NFATC3: variants seen among roughly 807,000 people sequenced by gnomAD.
The protein encoded by NFATC3 is nuclear factor of activated T-cells, cytoplasmic 3.
NFATC3 carries 46 observed loss-of-function variants against 98.6 expected under a neutral mutation model. The ratio of observed to expected loss-of-function variants is 0.47; its 90% CI spans 0.37 to 0.60. NFATC3 has a LOEUF of 0.60. NFATC3 is among the 20% of genes least tolerant of loss of function. The probability of loss-of-function intolerance (pLI) is 0.00; values close to 1 mark genes in which losing one functional copy is unlikely to be tolerated. For missense variants in NFATC3, 1,256 were observed against 1,295.5 expected (o/e 0.97, Z 0.47); for synonymous variants, 512 against 472.2 (o/e 1.08, Z -1.09).
intron 4 of NFATC3, 39 bp downstream of exon 4, chr16:68,158,107 T>A: frequency 1.5e-6 from 2 of 1,349,778 alleles, no homozygotes; most frequent in Non-Finnish European, 2.0e-6. Flanking sequence ...GTTCTTTTTT[T>A]CTCTATACTT....
At chr16:68,110,488 T>A (rs1374454876) in intron 1 of NFATC3, among the ~76,000 whole-genome samples, 1 of 150,718 alleles carries the variant, frequency 6.6e-6, no homozygotes, top group African/African-American at 2.4e-5. Context: ...TTTTTTGTAT[T>A]TTTTTTTAGT....
chr16:68,127,459 A>C (rs953463780), intron 3 of NFATC3, among the ~76,000 whole-genome samples: 2 of 152,078 alleles, frequency 1.3e-5, no homozygotes, highest in Admixed American at 1.3e-4. Context: ...TGCTGAGGCA[A>C]GTGGATCACT....
At chr16:68,159,226 C>G (rs1275929686) in intron 4 of NFATC3, among the ~76,000 whole-genome samples, 2 of 151,870 alleles carry the variant, frequency 1.3e-5, no homozygotes, top group African/African-American at 4.8e-5. Flanking sequence ...AGAGTGAGAT[C>G]CTATCTTTAA....
At chr16:68,113,188 G>A (rs532169910) in intron 1 of NFATC3, among the ~76,000 whole-genome samples, 30 of 152,270 alleles carry the variant, frequency 2.0e-4, no homozygotes, top group Admixed American at 2.0e-4. Context: ...AGATTTCAGC[G>A]TTCTTGCATT....
At chr16:68,207,567 G>A (rs945045285) in intron 9 of NFATC3, among the ~76,000 whole-genome samples, 2 of 152,150 alleles carry the variant, frequency 1.3e-5, no homozygotes, top group African/African-American at 2.4e-5. Flanking sequence ...GGGTTGAAGC[G>A]ATTCTCATGC....
intron 1 of NFATC3, among the ~76,000 whole-genome samples, chr16:68,091,968 A>G (rs1016618347): frequency 3.3e-5 from 5 of 152,234 alleles, no homozygotes; most frequent in Admixed American, 1.3e-4. Flanking sequence ...TTTAAGAGCC[A>G]TCATTTAAAC....
At chr16:68,159,204 C>G (rs1255923731) in intron 4 of NFATC3, among the ~76,000 whole-genome samples, 1 of 152,076 alleles carries the variant, frequency 6.6e-6, no homozygotes, top group East Asian at 1.9e-4. Context: ...CCACTACACT[C>G]CAGCCTGGGC....
At chr16:68,144,368 T>G (rs1000945680) in intron 3 of NFATC3, among the ~76,000 whole-genome samples, 4 of 152,208 alleles carry the variant, frequency 2.6e-5, no homozygotes, top group African/African-American at 9.6e-5. Context: ...GAATATAGTT[T>G]GTTAGGTTCT....
chr16:68,176,206 G>A (rs984156197), intron 6 of NFATC3, among the ~76,000 whole-genome samples: 2 of 152,012 alleles, frequency 1.3e-5, no homozygotes, highest in African/African-American at 4.8e-5. Flanking sequence ...TCTAACTCCT[G>A]ACCTCACGAT....
Position 68,158,184 on chromosome 16 carries a change from AT to A in NFATC3, c.1601+117del, listed in dbSNP as rs1337008523. The A allele has an allele frequency of 4.6e-6, 3 of 656,490 alleles. No individual in the cohort carries two copies. In the African/African-American group the frequency reaches 5.5e-5, roughly 12 times the overall value. The allele number at this position is 656,490 out of a possible 1,614,324, so 40.7% of individuals were successfully genotyped here. On this transcript the variant is annotated intron_variant, in intron 4 of 9. Coordinates refer to ENST00000346183, the MANE Select transcript of NFATC3 (RefSeq NM_173165.3). ...TATTGTTCTAAATGGCATTATGTAAATAATGTACATTTAGTACATTTTCTAA... is the reference window on the plus strand; with the variant it reads ...TATTGTTCTAAATGGCATTATGTAAAAATGTACATTTAGTACATTTTCTAA...
chr16:68,170,105 A>G (rs1391742270), intron 5 of NFATC3, among the ~76,000 whole-genome samples: 2 of 152,030 alleles, frequency 1.3e-5, no homozygotes, highest in East Asian at 1.9e-4. Flanking sequence ...AGAAAATGCA[A>G]AATGGGGCTG....
chr16:68,207,018 A>G (rs2041174310), intron 9 of NFATC3, among the ~76,000 whole-genome samples: 1 of 151,696 alleles, frequency 6.6e-6, no homozygotes, highest in Non-Finnish European at 1.5e-5. Context: ...AAAAAAAAAA[A>G]AAAAAAGATG....
At chr16:68,162,739 C>G (rs1598476194) in intron 4 of NFATC3, among the ~76,000 whole-genome samples, 1 of 151,758 alleles carries the variant, frequency 6.6e-6, no homozygotes, top group East Asian at 1.9e-4. Flanking sequence ...GATCAAAGAA[C>G]ATGTTGATCA....
intron 8 of NFATC3, among the ~76,000 whole-genome samples, chr16:68,184,004 C>CAAAAAAAAAAAAAAAAAAAAAA (rs34341175): frequency 1.6e-5 from 1 of 62,260 alleles, no homozygotes; most frequent in Non-Finnish European, 3.2e-5. Context: ...AACTCCGTCA[C>CAAAAAAAAAAAAAAAAAAAAAA]AAAAAAAAAA....
At position 68,192,230 on chromosome 16, in the gene NFATC3, A is replaced by AAAATATAT. The variant is rs1555522047; in HGVS notation, c.3106+456_3106+457insAATATATA. 27 of 82,580 alleles carry AAAATATAT rather than the reference A, an allele frequency of 3.3e-4. 2 individuals are homozygous for AAAATATAT. The highest frequency in any genetic ancestry group is 1.3e-3 in the African/African-American group (23 of 17,440). The allele number at this position is 82,580 out of a possible 1,614,324, so 5.1% of individuals were successfully genotyped here. On this transcript the variant is annotated intron_variant, in intron 9 of 9. Transcript: ENST00000346183. ...CTCGGGAAAAAAAAAAAAAAAAAAA[A>AAAATATAT]ATATATATATATATATATATATATG...
intron 1 of NFATC3, among the ~76,000 whole-genome samples, chr16:68,098,536 G>A (rs1018234139): frequency 2.0e-5 from 3 of 151,932 alleles, no homozygotes; most frequent in East Asian, 1.9e-4. Context: ...TCCTGAGCTC[G>A]TGATCCACCC....
intron 9 of NFATC3, among the ~76,000 whole-genome samples, chr16:68,211,645 C>T (rs1277741760): frequency 2.0e-5 from 3 of 151,374 alleles, no homozygotes; most frequent in Non-Finnish European, 4.4e-5. Flanking sequence ...GCCTCAGCTT[C>T]CTGAGTAGCT....
intron 1 of NFATC3, among the ~76,000 whole-genome samples, chr16:68,097,971 G>C (rs1056781654): frequency 6.6e-6 from 1 of 151,964 alleles, no homozygotes; most frequent in African/African-American, 2.4e-5. Flanking sequence ...TTTTGCGGGG[G>C]TTGGGTGCTG....
intron 5 of NFATC3, among the ~76,000 whole-genome samples, chr16:68,167,559 G>C (rs902466528): frequency 5.3e-5 from 8 of 152,034 alleles, no homozygotes; most frequent in African/African-American, 1.9e-4. Context: ...TCAATCCTGG[G>C]GAACTGTGGA....
Sources: allele counts gnomAD v4.1 joint callset (sites outside exome capture counted in the v4.1 genomes callset), GRCh38; gene constraint gnomAD v4.1.1; transcripts MANE v1.5; gene names NCBI Gene and HGNC (gene_info 2026-07-23, HGNC 2026-07-21).